ACOT12: variants seen among roughly 807,000 people sequenced by gnomAD.
ACOT12 encodes the protein acyl-CoA thioesterase 12.
ACOT12 carries 51 observed loss-of-function variants against 67.7 expected under a neutral mutation model. The ratio of observed to expected loss-of-function variants is 0.75; its 90% CI spans 0.60 to 0.95. The LOEUF is 0.95. Ranked by LOEUF, ACOT12 falls within the 40% of genes least tolerant of loss-of-function variation. The probability of loss-of-function intolerance (pLI) is 0.00; values close to 1 mark genes in which losing one functional copy is unlikely to be tolerated. For missense variants in ACOT12, 734 were observed against 708.1 expected (o/e 1.04, Z -0.41); for synonymous variants, 251 against 244.6 (o/e 1.03, Z -0.24).
intron 5 of ACOT12, among the ~76,000 whole-genome samples, chr5:81,352,235 T>TCCAGCAATCCCATTGCTGGGTATACAC (rs1759575879): frequency 6.6e-6 from 1 of 152,172 alleles, no homozygotes; most frequent in African/African-American, 2.4e-5. Context: ...TATCATCAGA[T>TCCAGCAATCCCATTGCTGGGTATACAC]CCAGCAATCC....
chr5:81,319,249 C>T, the ACOT12 span, among the ~76,000 whole-genome samples: 1 of 152,216 alleles, frequency 6.6e-6, no homozygotes, highest in Non-Finnish European at 1.5e-5. Context: ...TCTGGACATC[C>T]TTCTCCCTGT....
intron 4 of ACOT12, 114 bp downstream of exon 4, chr5:81,363,674 G>A: frequency 4.7e-6 from 3 of 639,770 alleles, no homozygotes; most frequent in Non-Finnish European, 7.4e-6. Flanking sequence ...ACAAATCTTG[G>A]GGAAGTATAT....
chr5:81,368,868 A>G (rs1365466666), intron 3 of ACOT12, among the ~76,000 whole-genome samples: 1 of 151,966 alleles, frequency 6.6e-6, no homozygotes, highest in African/African-American at 2.4e-5. Flanking sequence ...TATATATACT[A>G]TATCATTCCA....
intron 5 of ACOT12, among the ~76,000 whole-genome samples, chr5:81,348,160 T>C (rs1554054015): frequency 6.6e-6 from 1 of 152,244 alleles, no homozygotes; most frequent in Non-Finnish European, 1.5e-5. Flanking sequence ...TTAGAGATTG[T>C]ATTCTAGCCT....
At chr5:81,328,228 A>T (rs1408589464), downstream of ACOT12, among the ~76,000 whole-genome samples, 1 of 152,002 alleles carries the variant, frequency 6.6e-6, no homozygotes, top group Non-Finnish European at 1.5e-5. Flanking sequence ...TGACCACCCT[A>T]CTTAAAATAT....
downstream of ACOT12, among the ~76,000 whole-genome samples, chr5:81,329,640 C>T (rs940156924): frequency 6.6e-6 from 1 of 152,146 alleles, no homozygotes; most frequent in African/African-American, 2.4e-5. Flanking sequence ...TGGCTTGTCT[C>T]ATGAGTTAAG....
chr5:81,392,853 C>G (rs1301020035), intron 1 of ACOT12, among the ~76,000 whole-genome samples: 5 of 152,284 alleles, frequency 3.3e-5, no homozygotes, highest in Middle Eastern at 6.8e-3. Flanking sequence ...AGTGAGGGCT[C>G]TCTTCCTGGC....
intron 1 of ACOT12, among the ~76,000 whole-genome samples, chr5:81,389,946 T>C (rs1760820778): frequency 6.7e-6 from 1 of 150,182 alleles, no homozygotes; most frequent in Non-Finnish European, 1.5e-5. Context: ...CACTTTATTT[T>C]ATTTATGTAT....
intron 7 of ACOT12, 80 bp downstream of exon 7, chr5:81,345,805 T>C: frequency 6.4e-7 from 1 of 1,569,220 alleles, no homozygotes; most frequent in South Asian, 1.1e-5. Context: ...GTAGTTCCCA[T>C]ACTCACCTCC....
rs1477408549 is a variant in ACOT12, at chr5:81,359,902, C to T, written c.496+1G>A. 2 of 1,603,476 alleles carry T rather than the reference C, an allele frequency of 1.2e-6. No individual in the cohort carries two copies. Among genetic ancestry groups the T allele is most frequent in the East Asian group, 2.2e-5 (1 of 44,714 alleles). On this transcript the variant is annotated splice_donor_variant, in intron 5 of 14. Coordinates refer to ENST00000307624, the MANE Select transcript of ACOT12 (RefSeq NM_130767.3). LOFTEE classifies it high-confidence loss of function. Reference sequence around the variant, plus strand: ...AAATTCTTATAAGTGGATTTACTGACCATCAAATTTGCTACTTTCCTTCAT... The same window carrying T: ...AAATTCTTATAAGTGGATTTACTGATCATCAAATTTGCTACTTTCCTTCAT...
chr5:81,366,709 AT>A (rs1339937609), intron 3 of ACOT12, among the ~76,000 whole-genome samples: 2 of 152,204 alleles, frequency 1.3e-5, no homozygotes, highest in Non-Finnish European at 2.9e-5. Flanking sequence ...ATATAAAAAA[AT>A]CAAAGTGGAC....
chr5:81,386,361 A>G (rs911970097), intron 1 of ACOT12, among the ~76,000 whole-genome samples: 1 of 152,162 alleles, frequency 6.6e-6, no homozygotes, highest in Non-Finnish European at 1.5e-5. Context: ...TTTAGTCAAT[A>G]TTTATTTTAT....
At chr5:81,368,007 C>G (rs958740173) in intron 3 of ACOT12, among the ~76,000 whole-genome samples, 1 of 152,054 alleles carries the variant, frequency 6.6e-6, no homozygotes, top group Non-Finnish European at 1.5e-5. Flanking sequence ...AGTTAAGAAT[C>G]CTGGCAGGGC....
the ACOT12 span, chr5:81,312,551 G>C: frequency 7.7e-5 from 124 of 1,612,776 alleles, no homozygotes; most frequent in African/African-American, 1.3e-3. Flanking sequence ...CAGAGCGAAT[G>C]GTCACAGTTG....
chr5:81,318,648 C>A, the ACOT12 span, among the ~76,000 whole-genome samples: 2 of 152,180 alleles, frequency 1.3e-5, no homozygotes, highest in African/African-American at 4.8e-5. Context: ...ATATGGCCAT[C>A]TTAACAATAT....
At chr5:81,371,962 A>G (rs887767878) in intron 2 of ACOT12, 152 bp from the exon 3 acceptor site, 10 of 675,260 alleles carry the variant, frequency 1.5e-5, no homozygotes, top group Middle Eastern at 6.3e-4. Context: ...ATGATAATGG[A>G]AAAAGACAAC....
the ACOT12 span, among the ~76,000 whole-genome samples, chr5:81,321,785 A>G: frequency 6.6e-6 from 1 of 152,104 alleles, no homozygotes; most frequent in Non-Finnish European, 1.5e-5. Flanking sequence ...CGACACTACT[A>G]AAATACAAAA....
At chr5:81,393,389 T>C (rs1000243304) in intron 1 of ACOT12, among the ~76,000 whole-genome samples, 1 of 152,196 alleles carries the variant, frequency 6.6e-6, no homozygotes, top group Admixed American at 6.5e-5. Flanking sequence ...GTGATATAAA[T>C]AGCCTACATA....
the ACOT12 span, among the ~76,000 whole-genome samples, chr5:81,318,634 G>A: frequency 2.0e-5 from 3 of 152,170 alleles, no homozygotes; most frequent in Admixed American, 2.0e-4. Flanking sequence ...GATGAATTTG[G>A]GGAATATGGC....
Sources: allele counts gnomAD v4.1 joint callset (sites outside exome capture counted in the v4.1 genomes callset), GRCh38; gene constraint gnomAD v4.1.1; transcripts MANE v1.5; gene names NCBI Gene and HGNC (gene_info 2026-07-23, HGNC 2026-07-21).